Variants in BMP6 observed in about 807,000 individuals in gnomAD.
BMP6 encodes the protein VG-1-R.
In BMP6, 17 loss-of-function variants were observed where a neutral mutation model predicts 54.1. The ratio of observed to expected loss-of-function variants is 0.31; its 90% CI spans 0.22 to 0.47. The LOEUF is 0.47. BMP6 is among the 20% of genes least tolerant of loss of function. The pLI is 1.00. For synonymous variants in BMP6, 328 were observed against 291.2 expected (o/e 1.13, Z -1.28); for missense variants, 720 against 690.4 (o/e 1.04, Z -0.48).
intron 1 of BMP6, among the ~76,000 whole-genome samples, chr6:7,750,247 A>G (rs1757402057): frequency 6.6e-6 from 1 of 152,140 alleles, no homozygotes; most frequent in African/African-American, 2.4e-5. Flanking sequence ...GCCAGGTGCC[A>G]AGGATCCTGA....
At chr6:7,877,137 T>A (rs1170625531) in intron 4 of BMP6, among the ~76,000 whole-genome samples, 1 of 152,176 alleles carries the variant, frequency 6.6e-6, no homozygotes, top group Non-Finnish European at 1.5e-5. Flanking sequence ...GTCCTTGTCC[T>A]GCATTGTGAA....
At chr6:7,732,984 C>T (rs980395997) in intron 1 of BMP6, among the ~76,000 whole-genome samples, 7 of 151,866 alleles carry the variant, frequency 4.6e-5, no homozygotes, top group Non-Finnish European at 7.4e-5. Context: ...GCAACCTCTC[C>T]GTCTCCTGGG....
intron 1 of BMP6, among the ~76,000 whole-genome samples, chr6:7,751,216 A>G (rs9505276): frequency 0.16 from 24,200 of 152,156 alleles, 2,044 homozygotes; most frequent in Admixed American, 0.19. Flanking sequence ...GCTCTGCCAA[A>G]TTGGTCAAAG....
Position 7,726,386 on chromosome 6 carries a change from T to C in BMP6, c.-570T>C, listed in dbSNP as rs969303151. On this transcript the variant is annotated 5_prime_UTR_variant, in exon 1 of 7. Transcript: ENST00000283147. Reference sequence around the variant, plus strand: ...GAGAAGGAAGTTAAACCTCGCGGAATAGACTGGCATTTCGGGACGCCTTGT... The same window carrying C: ...GAGAAGGAAGTTAAACCTCGCGGAACAGACTGGCATTTCGGGACGCCTTGT... Among the ~76,000 whole-genome samples the C allele has an allele frequency of 2.0e-5, 3 of 152,172 alleles. No homozygotes were observed. Among genetic ancestry groups the C allele is most frequent in the Non-Finnish European group, 4.4e-5 (3 of 68,028 alleles).
intron 1 of BMP6, among the ~76,000 whole-genome samples, chr6:7,841,043 T>A (rs189633672): frequency 2.2e-4 from 34 of 152,358 alleles, no homozygotes; most frequent in East Asian, 5.8e-4. Context: ...TAACAGCCAA[T>A]GATTATCACA....
intron 1 of BMP6, among the ~76,000 whole-genome samples, chr6:7,767,050 G>A (rs1757703791): frequency 2.0e-5 from 3 of 150,012 alleles, no homozygotes; most frequent in African/African-American, 4.9e-5. Context: ...GCAGTGGCGC[G>A]ATCTCGGTGC....
chr6:7,857,447 T>G (rs1759258931), intron 2 of BMP6, among the ~76,000 whole-genome samples: 2 of 152,210 alleles, frequency 1.3e-5, no homozygotes, highest in African/African-American at 4.8e-5. Flanking sequence ...AGTCAATAAC[T>G]GCATTAAAAA....
chr6:7,773,790 C>T (rs1373070007), intron 1 of BMP6, among the ~76,000 whole-genome samples: 2 of 152,172 alleles, frequency 1.3e-5, no homozygotes, highest in African/African-American at 2.4e-5. Context: ...GATTTCCACG[C>T]GTTTACTACC....
chr6:7,874,317 C>A (rs192560449), intron 4 of BMP6, among the ~76,000 whole-genome samples: 6 of 152,300 alleles, frequency 3.9e-5, no homozygotes, highest in Non-Finnish European at 7.3e-5. Context: ...ACATCACAGC[C>A]GCCACATGGT....
At chr6:7,874,918 G>GAT (rs1180286465) in intron 4 of BMP6, among the ~76,000 whole-genome samples, 4 of 111,586 alleles carry the variant, frequency 3.6e-5, no homozygotes, top group African/African-American at 1.3e-4. Context: ...GAATCAATAG[G>GAT]ATATATGGAG....
At chr6:7,791,543 G>A (rs527263144) in intron 1 of BMP6, among the ~76,000 whole-genome samples, 42 of 152,134 alleles carry the variant, frequency 2.8e-4, no homozygotes, top group African/African-American at 9.2e-4. Flanking sequence ...TCCTCCCAGC[G>A]CTTCAGTTGG....
intron 1 of BMP6, among the ~76,000 whole-genome samples, chr6:7,741,978 T>C (rs904375989): frequency 5.3e-5 from 8 of 152,242 alleles, no homozygotes; most frequent in African/African-American, 1.2e-4. Flanking sequence ...ACCCAATAAG[T>C]GCACATTGAA....
intron 1 of BMP6, among the ~76,000 whole-genome samples, chr6:7,728,034 C>T (rs1168390292): frequency 1.3e-5 from 2 of 152,134 alleles, no homozygotes; most frequent in Admixed American, 6.5e-5. Context: ...GTACGATTTT[C>T]CCCTCTAAAC....
At chr6:7,842,108 T>C (rs910971867) in intron 1 of BMP6, among the ~76,000 whole-genome samples, 2 of 152,122 alleles carry the variant, frequency 1.3e-5, no homozygotes. Context: ...CCCATCCCCC[T>C]TTCCCTTGTT....
chr6:7,741,854 G>C (rs1323231958), intron 1 of BMP6, among the ~76,000 whole-genome samples: 1 of 152,218 alleles, frequency 6.6e-6, no homozygotes, highest in Admixed American at 6.5e-5. Context: ...GGGATTTGGT[G>C]AATCACCTTC....
At chr6:7,737,382 G>C (rs1488296663) in intron 1 of BMP6, among the ~76,000 whole-genome samples, 1 of 152,158 alleles carries the variant, frequency 6.6e-6, no homozygotes, top group Non-Finnish European at 1.5e-5. Flanking sequence ...GAAAGCCATA[G>C]GTGCCTGGAG....
chr6:7,827,670 C>T (rs968569226), intron 1 of BMP6, among the ~76,000 whole-genome samples: 7 of 152,246 alleles, frequency 4.6e-5, no homozygotes, highest in African/African-American at 1.4e-4. Context: ...AGATGAAGAA[C>T]TGTGAGAGCA....
intron 2 of BMP6, among the ~76,000 whole-genome samples, chr6:7,860,527 G>A (rs186805819): frequency 1.3e-5 from 2 of 152,262 alleles, no homozygotes; most frequent in South Asian, 2.1e-4. Flanking sequence ...CCCTCACACC[G>A]TCATCCCACA....
At chr6:7,744,761 A>T (rs1012061881) in intron 1 of BMP6, among the ~76,000 whole-genome samples, 33 of 152,102 alleles carry the variant, frequency 2.2e-4, no homozygotes, top group African/African-American at 7.5e-4. Context: ...AACTCTCTTC[A>T]TCTTTCCTTT....
Sources: allele counts gnomAD v4.1 joint callset (sites outside exome capture counted in the v4.1 genomes callset), GRCh38; gene constraint gnomAD v4.1.1; transcripts MANE v1.5; gene names NCBI Gene and HGNC (gene_info 2026-07-23, HGNC 2026-07-21).